The following CASP6 variants were observed in gnomAD, a reference collection of about 807,000 sequenced individuals.
The protein encoded by CASP6 is caspase-6.
In CASP6, 20 loss-of-function variants were observed where a neutral mutation model predicts 31.8. The ratio of observed to expected loss-of-function variants is 0.63; its 90% CI spans 0.44 to 0.91. The LOEUF (loss-of-function observed/expected upper bound fraction) is 0.91, where lower values mean the gene tolerates loss of function less well. CASP6 is among the 40% of genes least tolerant of loss of function. The pLI is 0.00. For missense variants in CASP6, 328 were observed against 361.1 expected (o/e 0.91, Z 0.74); for synonymous variants, 130 against 127.8 (o/e 1.02, Z -0.12).
chr4:109,679,570 C>G, the CASP6 span, among the ~76,000 whole-genome samples: 5 of 152,136 alleles, frequency 3.3e-5, no homozygotes, highest in African/African-American at 1.2e-4. Context: ...TGCAGCGAGC[C>G]GAGATCATGG....
chr4:109,682,180 T>C, the CASP6 span, among the ~76,000 whole-genome samples: 1,447 of 152,352 alleles, frequency 9.5e-3, 19 homozygotes, highest in African/African-American at 0.033. Flanking sequence ...ATCCAGCTAG[T>C]TCTGTCTCTC....
rs756591723 is a variant in CASP6, at chr4:109,697,814, T to A, written c.84-46A>T. 3.1e-6 allele frequency: 5 copies of A among 1,588,006 alleles called. No individual in the cohort carries two copies. The Admixed American group carries it at 8.8e-5, about 28-fold the overall frequency. On this transcript the variant is annotated intron_variant, in intron 2 of 6. Coordinates refer to ENST00000265164, the MANE Select transcript of CASP6 (RefSeq NM_001226.4). ...AACAATCACTTCAAGTCATATTAAA[T>A]AATGAGCCCCTCCAAGTTCTAGGTC...
chr4:109,691,561 A>C (rs1451072488), intron 5 of CASP6, among the ~76,000 whole-genome samples: 2 of 152,172 alleles, frequency 1.3e-5, no homozygotes, highest in African/African-American at 4.8e-5. Flanking sequence ...TGACTCACTC[A>C]GAATTTACAT....
upstream of CASP6, among the ~76,000 whole-genome samples, chr4:109,704,767 G>C (rs1000912124): frequency 6.6e-6 from 1 of 152,220 alleles, no homozygotes; most frequent in Admixed American, 6.5e-5. Context: ...CTGGAGTACA[G>C]TGGTGCGATC....
In CASP6 at chr4:109,689,338, A is replaced by AT; in HGVS notation, c.873dup (p.Ser292IlefsTer2). On this transcript the variant is annotated frameshift_variant, in exon 7 of 7. Transcript: ENST00000265164. LOFTEE classifies it high-confidence loss of function. The stretch of plus-strand genomic sequence containing the variant: ...TAGATAGCCTCTATTAATTAATTAG[A>AT]TTTTGGAAAGAAATGCAGCTTTTTA... 1 of 1,613,684 alleles carries AT rather than the reference A, an allele frequency of 6.2e-7. No homozygotes were observed. Among genetic ancestry groups the AT allele is most frequent in the Non-Finnish European group, 8.5e-7 (1 of 1,179,774 alleles).
the CASP6 span, among the ~76,000 whole-genome samples, chr4:109,679,276 C>T: frequency 6.6e-6 from 1 of 152,232 alleles, no homozygotes; most frequent in African/African-American, 2.4e-5. Context: ...AATCTTAGCA[C>T]TTTGGGAGGC....
chr4:109,681,672 G>C, the CASP6 span, among the ~76,000 whole-genome samples: 4 of 152,200 alleles, frequency 2.6e-5, no homozygotes, highest in Non-Finnish European at 5.9e-5. Flanking sequence ...GCACTTAGCC[G>C]TGCAGGAACA....
At chr4:109,693,702 C>A (rs1299585567) in intron 5 of CASP6, among the ~76,000 whole-genome samples, 1 of 146,982 alleles carries the variant, frequency 6.8e-6, no homozygotes, top group Non-Finnish European at 1.5e-5. Context: ...AAAAAAAAAT[C>A]GTTAATGATG....
In CASP6 at chr4:109,703,370, C is replaced by G. The variant is rs1174100548; in HGVS notation, c.26G>C (p.Arg9Thr). Residue 9 changes from arginine (R) to threonine (T), a missense_variant, in exon 1 of 7, where the codon AGG becomes ACG. Physicochemically the swap from Arg to Thr is moderately conservative, Grantham distance 71 (BLOSUM62 -1). Transcript: ENST00000265164. MSSASGLR[R>T]GHPAGGEENM... Reference sequence around the variant, plus strand: ...CCCCTGCCTACCTGCCGGGTGCCCCCTGCGGAGCCCCGAGGCCGAGCTCAT... The same window carrying G: ...CCCCTGCCTACCTGCCGGGTGCCCCGTGCGGAGCCCCGAGGCCGAGCTCAT... 1.2e-6 allele frequency: 2 copies of G among 1,611,212 alleles called. No individual in the cohort carries two copies. The highest frequency in any genetic ancestry group is 1.7e-6 in the Non-Finnish European group (2 of 1,179,076).
chr4:109,689,286 A>G lies in CASP6; in HGVS notation c.*44T>C. On this transcript the variant is annotated 3_prime_UTR_variant, in exon 7 of 7. Transcript: ENST00000265164. ...GTGAGTAACCACGCCTGGCTGAGAA[A>G]GCCATTTTCAATACAGAGTGTAAAA... The G allele has an allele frequency of 6.3e-7, 1 of 1,578,926 alleles. No individual in the cohort carries two copies.
At chr4:109,695,532 G>A (rs999014126) in intron 4 of CASP6, among the ~76,000 whole-genome samples, 3 of 152,102 alleles carry the variant, frequency 2.0e-5, no homozygotes, top group Non-Finnish European at 4.4e-5. Flanking sequence ...CGAGGCAGGT[G>A]GATCACTTGA....
At chr4:109,665,387 A>G in the CASP6 span, among the ~76,000 whole-genome samples, 2 of 152,212 alleles carry the variant, frequency 1.3e-5, no homozygotes, top group Non-Finnish European at 2.9e-5. Flanking sequence ...CAATTAGCCT[A>G]TGGTAAAATT....
upstream of CASP6, among the ~76,000 whole-genome samples, chr4:109,705,593 T>C (rs1164014036): frequency 2.0e-4 from 31 of 152,156 alleles, 1 homozygote; most frequent in Admixed American, 2.0e-3. Context: ...CGAGATGCCA[T>C]TAAGAACATT....
At chr4:109,687,458 A>G, downstream of CASP6, 1 of 1,174,576 alleles carries the variant, frequency 8.5e-7, no homozygotes, top group Middle Eastern at 1.9e-4. Flanking sequence ...CTCAAGCAGT[A>G]ATGTTGGTAT....
At chr4:109,706,847 C>G (rs1459703512), upstream of CASP6, among the ~76,000 whole-genome samples, 1 of 152,184 alleles carries the variant, frequency 6.6e-6, no homozygotes, top group African/African-American at 2.4e-5. Flanking sequence ...GCAGAGGTTG[C>G]AGTGAGCCAA....
At chr4:109,687,799 T>TATC, downstream of CASP6, 1 of 545,530 alleles carries the variant, frequency 1.8e-6, no homozygotes. Context: ...TGTATGCGTC[T>TATC]ATCAAAGCAA....
chr4:109,705,652 A>C (rs1271576308), upstream of CASP6, among the ~76,000 whole-genome samples: 2 of 151,978 alleles, frequency 1.3e-5, no homozygotes, highest in African/African-American at 4.8e-5. Flanking sequence ...GTAACTAGAG[A>C]CTAGAGGGGG....
chr4:109,699,726 G>GA (rs1730361611), intron 1 of CASP6, among the ~76,000 whole-genome samples: 1 of 152,232 alleles, frequency 6.6e-6, no homozygotes, highest in African/African-American at 2.4e-5. Context: ...CTGCATGGCA[G>GA]ATGAGAAAGC....
intron 2 of CASP6, 41 bp from the exon 3 acceptor site, chr4:109,697,809 T>G (rs1294856476): frequency 1.3e-6 from 2 of 1,595,546 alleles, no homozygotes; most frequent in Non-Finnish European, 1.7e-6. Context: ...TCAAGTCATA[T>G]TAAATAATGA....
Sources: allele counts gnomAD v4.1 joint callset (sites outside exome capture counted in the v4.1 genomes callset), GRCh38; gene constraint gnomAD v4.1.1; transcripts MANE v1.5; gene names NCBI Gene and HGNC (gene_info 2026-07-23, HGNC 2026-07-21).